Variants in KDM4C observed in about 807,000 individuals in gnomAD.
KDM4C encodes lysine demethylase 4C, also known as lysine-specific demethylase 4C.
KDM4C carries 81 observed loss-of-function variants against 129.3 expected under a neutral mutation model. The ratio of observed to expected loss-of-function variants is 0.63; its 90% CI spans 0.52 to 0.75. The LOEUF (loss-of-function observed/expected upper bound fraction) is 0.75. Ranked by LOEUF, KDM4C falls within the 30% of genes least tolerant of loss-of-function variation. The pLI is 0.00. For synonymous variants in KDM4C, 573 were observed against 456.1 expected (o/e 1.26, Z -3.26); for missense variants, 1,457 against 1,304.0 (o/e 1.12, Z -1.81).
chr9:6,851,896 G>T (rs1324810883), intron 5 of KDM4C, among the ~76,000 whole-genome samples: 1 of 152,080 alleles, frequency 6.6e-6, no homozygotes, highest in African/African-American at 2.4e-5. Context: ...TTTCTTTCTT[G>T]CAGCTTGTAT....
intron 4 of KDM4C, among the ~76,000 whole-genome samples, chr9:6,828,232 C>G (rs187060505): frequency 6.6e-6 from 1 of 152,138 alleles, no homozygotes; most frequent in Admixed American, 6.5e-5. Flanking sequence ...ACTGCAAGCT[C>G]CGCCTCCCAG....
intron 19 of KDM4C, among the ~76,000 whole-genome samples, chr9:7,142,902 C>T (rs1841898235): frequency 6.6e-6 from 1 of 152,010 alleles, no homozygotes; most frequent in Non-Finnish European, 1.5e-5. Context: ...TTGAATGCAC[C>T]TGGCATCATA....
intron 17 of KDM4C, chr9:7,076,886 G>A: frequency 2.0e-6 from 2 of 992,560 alleles, no homozygotes; most frequent in Non-Finnish European, 2.4e-6. Context: ...GATGCATCCT[G>A]AGGTTGTCTC....
intron 18 of KDM4C, among the ~76,000 whole-genome samples, chr9:7,111,910 G>C (rs1278539036): frequency 6.6e-6 from 1 of 152,172 alleles, no homozygotes; most frequent in African/African-American, 2.4e-5. Context: ...GTGAGGGACA[G>C]GAAGGATTAT....
rs1335230282 is a variant in KDM4C, at chr9:6,794,669, A to T, written c.144+1537A>T. On this transcript the variant is annotated intron_variant, in intron 2 of 21. Transcript: ENST00000381309. ...GGTGACCCAGACCAGTGAAGATGGGAGAAGTTGTCTTTGGTCTGGATATGT... is the reference window on the plus strand; with the variant it reads ...GGTGACCCAGACCAGTGAAGATGGGTGAAGTTGTCTTTGGTCTGGATATGT... Among the ~76,000 whole-genome samples, 4 of 152,154 alleles carry T rather than the reference A, an allele frequency of 2.6e-5. No homozygotes were observed. In the East Asian group the frequency reaches 5.8e-4, roughly 22 times the overall value.
intron 1 of KDM4C, among the ~76,000 whole-genome samples, chr9:6,741,980 A>AT (rs1215634803): frequency 2.0e-5 from 3 of 149,838 alleles, no homozygotes; most frequent in Admixed American, 1.3e-4. Context: ...TTATTTATTA[A>AT]TTTTTTTTTG....
intron 19 of KDM4C, among the ~76,000 whole-genome samples, chr9:7,148,985 G>T (rs1842472053): frequency 6.6e-6 from 1 of 152,188 alleles, no homozygotes; most frequent in Non-Finnish European, 1.5e-5. Context: ...GCCATCCCTG[G>T]CTTGAAGGTG....
chr9:7,034,473 T>A (rs1233848566), intron 15 of KDM4C, among the ~76,000 whole-genome samples: 1 of 152,254 alleles, frequency 6.6e-6, no homozygotes, highest in Non-Finnish European at 1.5e-5. Context: ...TTTCTGTTCC[T>A]GGCTTATTTC....
intron 8 of KDM4C, among the ~76,000 whole-genome samples, chr9:6,964,674 C>A (rs1472798170): frequency 6.7e-6 from 1 of 149,460 alleles, no homozygotes; most frequent in Non-Finnish European, 1.5e-5. Context: ...CCCAGCTACT[C>A]GTGAGGCTGA....
chr9:7,060,882 C>T (rs1204155791), intron 17 of KDM4C, among the ~76,000 whole-genome samples: 1 of 152,146 alleles, frequency 6.6e-6, no homozygotes, highest in East Asian at 1.9e-4. Flanking sequence ...TCAAGTCCTT[C>T]TGCAGGTTAT....
rs748808430 is a variant in KDM4C, at chr9:6,773,063, G to A, written c.-18+14860G>A. ...CACTCAGGCTAGAGTGGAGTGGTGAGATCATGGCTCACTGCAGCCTCGACC... is the reference window on the plus strand; with the variant it reads ...CACTCAGGCTAGAGTGGAGTGGTGAAATCATGGCTCACTGCAGCCTCGACC... On this transcript the variant is annotated intron_variant, in intron 1 of 21. Transcript: ENST00000381309. 4.9e-5 allele frequency among the ~76,000 whole-genome samples: 7 copies of A among 144,082 alleles called. No individual in the cohort carries two copies. In the East Asian group the frequency reaches 1.5e-3, roughly 30 times the overall value. The allele number at this position is 144,082 out of a possible 152,430, so 94.5% of individuals were successfully genotyped here.
intron 5 of KDM4C, among the ~76,000 whole-genome samples, chr9:6,875,525 G>C (rs894374155): frequency 3.3e-5 from 5 of 152,186 alleles, no homozygotes; most frequent in African/African-American, 1.2e-4. Context: ...AAATGTAAGT[G>C]GGTAATGATA....
chr9:7,030,065 A>G (rs920159177), intron 15 of KDM4C, among the ~76,000 whole-genome samples: 3 of 152,170 alleles, frequency 2.0e-5, no homozygotes, highest in Non-Finnish European at 4.4e-5. Context: ...GAAGATGTAA[A>G]AGTAATATAA....
intron 8 of KDM4C, among the ~76,000 whole-genome samples, chr9:6,971,520 TC>T (rs1339949383): frequency 6.6e-6 from 1 of 152,180 alleles, no homozygotes; most frequent in Non-Finnish European, 1.5e-5. Context: ...CCTCGGGTAG[TC>T]AAGGAATTCT....
intron 8 of KDM4C, among the ~76,000 whole-genome samples, chr9:6,915,380 G>C (rs944447086): frequency 6.6e-6 from 1 of 152,170 alleles, no homozygotes; most frequent in Non-Finnish European, 1.5e-5. Context: ...TTCCTCTGAA[G>C]CAATCATTTT....
intron 17 of KDM4C, among the ~76,000 whole-genome samples, chr9:7,054,865 A>G (rs1045727469): frequency 2.0e-5 from 3 of 152,220 alleles, no homozygotes; most frequent in Non-Finnish European, 4.4e-5. Context: ...CTATTTGGAG[A>G]TAAAGTTTTC....
At chr9:7,141,116 G>A (rs974656178) in intron 19 of KDM4C, among the ~76,000 whole-genome samples, 3 of 152,330 alleles carry the variant, frequency 2.0e-5, no homozygotes, top group Admixed American at 2.0e-4. Flanking sequence ...TTGAGCAGAA[G>A]TCAAAGAGAT....
intron 8 of KDM4C, among the ~76,000 whole-genome samples, chr9:6,977,329 T>A (rs545433474): frequency 2.6e-5 from 4 of 152,212 alleles, no homozygotes; most frequent in African/African-American, 9.6e-5. Flanking sequence ...TTATCCTCTT[T>A]AGGTTATAAT....
intron 8 of KDM4C, among the ~76,000 whole-genome samples, chr9:6,936,088 A>T (rs1411410579): frequency 1.3e-5 from 2 of 152,206 alleles, no homozygotes; most frequent in East Asian, 3.8e-4. Context: ...TGGAAACTAG[A>T]ATTATGTAGT....
Sources: gnomAD v4.1 joint callset for allele counts (sites outside exome capture counted in the v4.1 genomes callset) on GRCh38, gnomAD v4.1.1 for gene constraint, MANE v1.5 for transcripts, NCBI Gene and HGNC (gene_info 2026-07-23, HGNC 2026-07-21) for gene names.